BLTP2: variants seen among roughly 807,000 people sequenced by gnomAD.
The protein encoded by BLTP2 is U937-associated antigen.
At chr17:28,624,093 G>C in the BLTP2 span, 6 of 1,346,338 alleles carry the variant, frequency 4.5e-6, no homozygotes, top group Non-Finnish European at 4.1e-6. Context: ...TTTAGACATA[G>C]AAGTGATTAC....
chr17:28,642,130 A>C, the BLTP2 span: 2 of 1,597,540 alleles, frequency 1.3e-6, no homozygotes, highest in Non-Finnish European at 1.7e-6. Context: ...TGGAAGTTTT[A>C]GGTCAAAATG....
the BLTP2 span, chr17:28,638,308 G>A: frequency 1.2e-6 from 2 of 1,613,578 alleles, no homozygotes; most frequent in Non-Finnish European, 1.7e-6. Flanking sequence ...ATATTGGGTG[G>A]GTGTGGCGCC....
chr17:28,618,229 G>A, the BLTP2 span, among the ~76,000 whole-genome samples: 77 of 151,774 alleles, frequency 5.1e-4, 1 homozygote, highest in East Asian at 0.011. Flanking sequence ...CACCGTGCCC[G>A]GCCTATCATA....
At chr17:28,621,559 T>C in the BLTP2 span, 51 of 1,214,386 alleles carry the variant, frequency 4.2e-5, no homozygotes, top group African/African-American at 6.0e-5. Flanking sequence ...TCCTGGACAA[T>C]TGGGTGACAG....
the BLTP2 span, among the ~76,000 whole-genome samples, chr17:28,622,648 T>G: frequency 1.3e-5 from 2 of 152,200 alleles, no homozygotes; most frequent in Non-Finnish European, 2.9e-5. Flanking sequence ...ATATTATATC[T>G]TAGAAGTTAC....
At chr17:28,639,208 G>T in the BLTP2 span, 1 of 1,090,432 alleles carries the variant, frequency 9.2e-7, no homozygotes, top group Non-Finnish European at 1.4e-6. Flanking sequence ...TCGGATTTGA[G>T]GAGGTCAAAC....
chr17:28,617,847 T>C, the BLTP2 span, among the ~76,000 whole-genome samples: 1 of 151,218 alleles, frequency 6.6e-6, no homozygotes, highest in South Asian at 2.1e-4. Flanking sequence ...GCAACATCCA[T>C]CTCCTTCCTG....
chr17:28,621,318 A>G, the BLTP2 span: 1 of 1,429,300 alleles, frequency 7.0e-7, no homozygotes, highest in Non-Finnish European at 9.9e-7. Flanking sequence ...CACTGACGTT[A>G]AGAATAGGTA....
the BLTP2 span, among the ~76,000 whole-genome samples, chr17:28,627,730 C>CT: frequency 6.6e-6 from 1 of 151,944 alleles, no homozygotes; most frequent in Admixed American, 6.6e-5. Context: ...GAGTCCTGCT[C>CT]TATCACCTCC....
chr17:28,640,697 T>G, the BLTP2 span: 1 of 1,613,302 alleles, frequency 6.2e-7, no homozygotes, highest in East Asian at 2.2e-5. Flanking sequence ...AAAATATGAA[T>G]GAATAACGTA....
At chr17:28,635,212 A>G in the BLTP2 span, 13 of 1,613,946 alleles carry the variant, frequency 8.1e-6, no homozygotes, top group Non-Finnish European at 1.1e-5. Flanking sequence ...CTCAGGTAGC[A>G]GCTGCACCTC....
chr17:28,616,673 A>G, the BLTP2 span: 1 of 1,614,082 alleles, frequency 6.2e-7, no homozygotes, highest in Non-Finnish European at 8.5e-7. The surrounding 1 kb of genome is among the most constrained non-coding windows in gnomAD (Gnocchi z 4.8). Context: ...CATCTTCCAC[A>G]CTTCGGCCAG....
chr17:28,643,080 C>A, the BLTP2 span: 4 of 1,573,736 alleles, frequency 2.5e-6, no homozygotes, highest in Non-Finnish European at 3.5e-6. Context: ...TAGCATTATG[C>A]CCTAAAAACA....
chr17:28,621,369 C>T, the BLTP2 span: 4 of 1,575,488 alleles, frequency 2.5e-6, no homozygotes, highest in Admixed American at 5.0e-5. Flanking sequence ...TGCTCCTAAT[C>T]ATTTGATGCA....
the BLTP2 span, chr17:28,618,979 T>C: frequency 1.2e-6 from 2 of 1,610,288 alleles, no homozygotes; most frequent in Non-Finnish European, 1.7e-6. Flanking sequence ...CACCTGTAAG[T>C]GGACAGGGGA....
the BLTP2 span, chr17:28,638,278 G>C: frequency 1.9e-6 from 3 of 1,612,846 alleles, no homozygotes; most frequent in Non-Finnish European, 2.5e-6. Context: ...TCCAGAACAA[G>C]TGCCTCACCC....
the BLTP2 span, chr17:28,643,261 T>C: frequency 6.2e-7 from 1 of 1,614,178 alleles, no homozygotes; most frequent in Admixed American, 1.7e-5. Flanking sequence ...AGAAACTTTC[T>C]GTAGGTCCGT....
the BLTP2 span, among the ~76,000 whole-genome samples, chr17:28,625,966 T>C: frequency 5.7e-3 from 867 of 152,328 alleles, 6 homozygotes; most frequent in Middle Eastern, 0.01. Flanking sequence ...GGTTTCACCA[T>C]GGTGGCCAGG....
At chr17:28,631,698 C>T in the BLTP2 span, 1 of 1,613,708 alleles carries the variant, frequency 6.2e-7, no homozygotes, top group South Asian at 1.1e-5. Context: ...AAAAGAGGCA[C>T]ACAGAGACCA....
Sources: allele counts gnomAD v4.1 joint callset (sites outside exome capture counted in the v4.1 genomes callset), GRCh38; gene constraint gnomAD v4.1.1; non-coding constraint Gnocchi (gnomAD v3.1); transcripts MANE v1.5; gene names NCBI Gene and HGNC (gene_info 2026-07-23, HGNC 2026-07-21).